Variants in SMYD3 observed in about 807,000 individuals in gnomAD.
The protein encoded by SMYD3 is histone-lysine N-methyltransferase SMYD3.
SMYD3 carries 36 observed loss-of-function variants against 57.7 expected under a neutral mutation model. That is an observed-to-expected ratio of 0.62 (90% CI 0.48 to 0.82). The LOEUF is 0.82. Ranked by LOEUF, SMYD3 falls within the 40% of genes least tolerant of loss-of-function variation. The pLI is 0.00. For missense variants in SMYD3, 515 were observed against 538.8 expected, an observed-to-expected ratio of 0.96 and a Z score of 0.44; for synonymous variants, 211 against 195.0, an observed-to-expected ratio of 1.08 and a Z score of -0.68.
At chr1:246,164,435 A>G (rs1440038558) in intron 5 of SMYD3, among the ~76,000 whole-genome samples, 2 of 152,140 alleles carry the variant, frequency 1.3e-5, no homozygotes, top group Non-Finnish European at 2.9e-5. Flanking sequence ...ATAAATAAAT[A>G]AATAGATAAA....
chr1:245,890,762 T>A (rs535060799), intron 8 of SMYD3, among the ~76,000 whole-genome samples: 1 of 152,322 alleles, frequency 6.6e-6, no homozygotes, highest in East Asian at 1.9e-4. Context: ...CGAAGAGGTA[T>A]CTGCACGCCC....
At chr1:246,326,404 GAAA>G in intron 5 of SMYD3, 2 of 613,644 alleles carry the variant, frequency 3.3e-6, no homozygotes, top group South Asian at 1.9e-5. Context: ...GGCTAGTGAA[GAAA>G]AAAAAAAATC....
chr1:246,217,360 T>C (rs10802354), intron 5 of SMYD3, among the ~76,000 whole-genome samples: 40,336 of 151,656 alleles, frequency 0.27, 6,091 homozygotes, highest in East Asian at 0.58. Flanking sequence ...CTACGAAAAA[T>C]TAACTGGGCG....
intron 5 of SMYD3, among the ~76,000 whole-genome samples, chr1:246,080,608 A>T (rs561946588): frequency 6.6e-6 from 1 of 152,292 alleles, no homozygotes; most frequent in Admixed American, 6.5e-5. Context: ...CTCTAGGAGA[A>T]AAAAGAACTA....
chr1:245,896,393 A>AAAAG (rs2053791333), intron 8 of SMYD3, among the ~76,000 whole-genome samples: 1 of 150,670 alleles, frequency 6.6e-6, no homozygotes, highest in Non-Finnish European at 1.5e-5. Context: ...CCAAGTCAAA[A>AAAAG]AAAAAAAAAA....
intron 8 of SMYD3, among the ~76,000 whole-genome samples, chr1:245,879,668 G>C (rs2052671526): frequency 6.6e-6 from 1 of 152,164 alleles, no homozygotes; most frequent in Non-Finnish European, 1.5e-5. Flanking sequence ...AATTCCAGCT[G>C]AACTATATTC....
chr1:246,300,258 C>A (rs992699871), intron 5 of SMYD3, among the ~76,000 whole-genome samples: 1 of 151,710 alleles, frequency 6.6e-6, no homozygotes, highest in Non-Finnish European at 1.5e-5. Flanking sequence ...TTTTATAGAC[C>A]CCAATAAACA....
At chr1:246,079,559 T>C (rs1227398205) in intron 5 of SMYD3, among the ~76,000 whole-genome samples, 1 of 152,192 alleles carries the variant, frequency 6.6e-6, no homozygotes, top group Non-Finnish European at 1.5e-5. Flanking sequence ...TTCCGCATAG[T>C]TCACACTCAT....
chr1:246,273,135 CTTTTTTTT>C (rs71299006), intron 5 of SMYD3, among the ~76,000 whole-genome samples: 5 of 107,608 alleles, frequency 4.6e-5, no homozygotes, highest in Non-Finnish European at 9.0e-5. Flanking sequence ...TCCCTGTTTT[CTTTTTTTT>C]TTTTTTTTTC....
At chr1:246,385,474 A>G (rs2148758955) in intron 1 of SMYD3, among the ~76,000 whole-genome samples, 1 of 152,222 alleles carries the variant, frequency 6.6e-6, no homozygotes, top group East Asian at 1.9e-4. Flanking sequence ...GCCTTACTGC[A>G]TTTCTGCTCC....
At chr1:246,008,256 G>C (rs60119747) in intron 5 of SMYD3, among the ~76,000 whole-genome samples, 1 of 152,106 alleles carries the variant, frequency 6.6e-6, no homozygotes, top group African/African-American at 2.4e-5. Flanking sequence ...GAAAGGCCTC[G>C]GAGAAACTGT....
chr1:246,031,191 A>C (rs1401943282), intron 5 of SMYD3, among the ~76,000 whole-genome samples: 1 of 152,132 alleles, frequency 6.6e-6, no homozygotes, highest in Non-Finnish European at 1.5e-5. Flanking sequence ...TTTTCATAGG[A>C]AATCACATAA....
chr1:246,455,643 A>C (rs7550853), intron 1 of SMYD3, among the ~76,000 whole-genome samples: 36,422 of 152,160 alleles, frequency 0.24, 4,481 homozygotes, highest in Middle Eastern at 0.35. Context: ...GTTCTTTACA[A>C]TTTGCAGCTA....
At chr1:246,154,542 T>C (rs749148843) in intron 5 of SMYD3, among the ~76,000 whole-genome samples, 1 of 152,210 alleles carries the variant, frequency 6.6e-6, no homozygotes, top group Non-Finnish European at 1.5e-5. Context: ...TTTTCTGCTT[T>C]CCTTTAAAAA....
intron 5 of SMYD3, among the ~76,000 whole-genome samples, chr1:246,127,260 A>T (rs1289955716): frequency 1.3e-5 from 2 of 152,122 alleles, no homozygotes; most frequent in Admixed American, 1.3e-4. Context: ...TGCCAACCTG[A>T]GTCAACTGCA....
chr1:246,391,689 A>G lies in SMYD3; in HGVS notation c.165-36595T>C, dbSNP rs535835325. On this transcript the variant is annotated intron_variant, in intron 1 of 11. Transcript: ENST00000490107. ...TACTAGAGACAAGGAGGAACATTTG[A>G]TAATGAAAAGTAACACATTTCATAA... Among the ~76,000 whole-genome samples the G allele has an allele frequency of 5.1e-4, 78 of 152,218 alleles. 1 individual carries two copies. The highest frequency in any genetic ancestry group is 1.1e-3 in the African/African-American group (45 of 41,466).
Position 245,995,637 on chromosome 1 carries a change from T to C in SMYD3, c.532-65700A>G, listed in dbSNP as rs575630129. Among the ~76,000 whole-genome samples, 6 of 152,242 alleles carry C rather than the reference T, an allele frequency of 3.9e-5. 1 individual carries two copies. The South Asian group carries it at 1.2e-3, about 32-fold the overall frequency. ...GTGGCAGTAGAGAAAGCAGAAACCA[T>C]CTGCAAAATCTGGGATGCAGTAGGG... On this transcript the variant is annotated intron_variant, in intron 5 of 11. Coordinates refer to ENST00000490107, the MANE Select transcript of SMYD3 (RefSeq NM_001167740.2).
chr1:246,307,755 C>G (rs1294631386), intron 5 of SMYD3, among the ~76,000 whole-genome samples: 2 of 152,076 alleles, frequency 1.3e-5, no homozygotes, highest in African/African-American at 2.4e-5. Context: ...GAAAGCAGCA[C>G]GAGGAGGGCT....
intron 10 of SMYD3, among the ~76,000 whole-genome samples, chr1:245,846,911 A>AG (rs1348068504): frequency 6.6e-6 from 1 of 152,194 alleles, no homozygotes; most frequent in Non-Finnish European, 1.5e-5. Flanking sequence ...ACTGAAGGGC[A>AG]GTGTTATTAT....
Sources: allele counts gnomAD v4.1 joint callset (sites outside exome capture counted in the v4.1 genomes callset), GRCh38; gene constraint gnomAD v4.1.1; transcripts MANE v1.5; gene names NCBI Gene and HGNC (gene_info 2026-07-23, HGNC 2026-07-21).